TAGLN3: variants seen among roughly 807,000 people sequenced by gnomAD.
TAGLN3 encodes transgelin 3, also known as transgelin-3.
In TAGLN3, 12 loss-of-function variants were observed where a neutral mutation model predicts 25.4. The ratio of observed to expected loss-of-function variants is 0.47; its 90% CI spans 0.30 to 0.77. The LOEUF (loss-of-function observed/expected upper bound fraction) is 0.77. Among genes scored for constraint, TAGLN3 ranks in the 30% least tolerant of loss-of-function variants. The pLI is 0.06. For synonymous variants in TAGLN3, 96 were observed against 94.8 expected (o/e 1.01, Z -0.08); for missense variants, 218 against 255.8 (o/e 0.85, Z 1.01).
intron 2 of TAGLN3, 111 bp downstream of exon 2, chr3:111,999,713 C>G: frequency 7.2e-7 from 1 of 1,385,576 alleles, no homozygotes; most frequent in Non-Finnish European, 9.7e-7. Flanking sequence ...AGCTCTATGT[C>G]TCACCGGGAG....
chr3:112,000,613 C>G (rs1355006791), intron 2 of TAGLN3, 159 bp from the exon 3 acceptor site: 2 of 696,586 alleles, frequency 2.9e-6, no homozygotes, highest in Non-Finnish European at 4.9e-6. Context: ...AGTATAGGAG[C>G]CTGGCTACAC....
At chr3:112,006,649 T>C (rs745723585) in intron 3 of TAGLN3, among the ~76,000 whole-genome samples, 1 of 152,238 alleles carries the variant, frequency 6.6e-6, no homozygotes, top group Non-Finnish European at 1.5e-5. Flanking sequence ...GCAAGACTGA[T>C]TTTTTGTATT....
chr3:112,000,858 G>C lies in TAGLN3; in HGVS notation c.267G>C (p.Gln89His). 6.2e-7 allele frequency: 1 copy of C among 1,614,188 alleles called. No homozygotes were observed. ...CAGAGTCAAAGATGGCTTTTAAGCAGATGGAGCAAATCTCCCAGTTCCTAA... is the reference window on the plus strand; with the variant it reads ...CAGAGTCAAAGATGGCTTTTAAGCACATGGAGCAAATCTCCCAGTTCCTAA... ...KISESKMAFK[Q>H]MEQISQFLKA... The change falls in exon 3 of 5, where the codon CAG becomes CAC. Residue 89 changes from glutamine to histidine, a missense_variant. Transcript: ENST00000478951.
intron 1 of TAGLN3, 110 bp from the exon 2 acceptor site, chr3:111,999,311 C>T (rs2072825254): frequency 7.8e-7 from 1 of 1,277,446 alleles, no homozygotes; most frequent in East Asian, 2.5e-5. Flanking sequence ...GCCCTCTTTG[C>T]TGCTGCTGGG....
chr3:112,005,693 CTTTTTTTTCTTT>C (rs1193280190), intron 3 of TAGLN3, among the ~76,000 whole-genome samples: 5 of 79,938 alleles, frequency 6.3e-5, no homozygotes, highest in African/African-American at 2.3e-4. Context: ...GCCTAATTTT[CTTTTTTTTCTTT>C]TTTTTTTTTT....
intron 3 of TAGLN3, among the ~76,000 whole-genome samples, chr3:112,006,524 C>T (rs1253247370): frequency 6.6e-6 from 1 of 152,216 alleles, no homozygotes; most frequent in Non-Finnish European, 1.5e-5. Flanking sequence ...CTACTGCTTA[C>T]TTTCTCTGTA....
chr3:112,011,886 C>G (rs776913930), intron 4 of TAGLN3, 21 bp downstream of exon 4: 1 of 1,608,254 alleles, frequency 6.2e-7, no homozygotes, highest in South Asian at 1.1e-5. Context: ...CTTCCTTGCC[C>G]CCTGGACCAC....
intron 3 of TAGLN3, among the ~76,000 whole-genome samples, chr3:112,005,773 C>T (rs1180421334): frequency 6.7e-6 from 1 of 148,388 alleles, no homozygotes; most frequent in East Asian, 2.0e-4. Context: ...GATCTCGGCT[C>T]ACTGCAAGCT....
chr3:112,013,384 T>C (rs1042309677), intron 4 of TAGLN3, 26 bp from the exon 5 acceptor site: 1 of 1,602,376 alleles, frequency 6.2e-7, no homozygotes, highest in African/African-American at 1.3e-5. Flanking sequence ...ATAATGACAT[T>C]ATTCCCTCTC....
intron 3 of TAGLN3, among the ~76,000 whole-genome samples, chr3:112,002,388 T>C (rs1026887899): frequency 1.3e-5 from 2 of 152,226 alleles, no homozygotes; most frequent in Non-Finnish European, 2.9e-5. Flanking sequence ...GTCCATGAGA[T>C]AGCAGAGCCA....
At position 111,999,419 on chromosome 3, in the gene TAGLN3, A is replaced by G. The variant is rs2072828475; in HGVS notation, c.-2-2A>G. The G allele has an allele frequency of 6.2e-7, 1 of 1,613,582 alleles. No homozygotes were observed. The highest frequency in any genetic ancestry group is 8.5e-7 in the Non-Finnish European group (1 of 1,179,596). Reference sequence around the variant, plus strand: ...GCCGCGCGTGTCTTCTCTTCTTTCCAGAGATGGCTAACAGGGGCCCGAGCT... The same window carrying G: ...GCCGCGCGTGTCTTCTCTTCTTTCCGGAGATGGCTAACAGGGGCCCGAGCT... On this transcript the variant is annotated splice_acceptor_variant, in intron 1 of 4. Coordinates refer to ENST00000478951, the MANE Select transcript of TAGLN3 (RefSeq NM_001008272.2). LOFTEE classifies it low-confidence loss of function (5UTR_SPLICE).
intron 3 of TAGLN3, among the ~76,000 whole-genome samples, chr3:112,003,946 C>T (rs2072889835): frequency 6.6e-6 from 1 of 152,176 alleles, no homozygotes; most frequent in South Asian, 2.1e-4. Context: ...GCTGAGGCCC[C>T]AGATGTACCA....
Position 112,000,891 on chromosome 3 carries a change from G to A in TAGLN3, c.300G>A (p.Ala100=), listed in dbSNP as rs529078455. Residue 100 remains alanine, a synonymous_variant, in exon 3 of 5, where the codon GCG becomes GCA. Transcript: ENST00000478951. The part of the protein sequence containing the change: ...MEQISQFLKA[A]ETYGVRTTDI... ...AAATCTCCCAGTTCCTAAAAGCTGC[G>A]GAGACCTATGGTGTCAGAACCACCG... The A allele has an allele frequency of 4.0e-5, 64 of 1,614,140 alleles. 1 individual carries two copies. In the African/African-American group the frequency reaches 5.7e-4, roughly 14 times the overall value.
intron 3 of TAGLN3, among the ~76,000 whole-genome samples, chr3:112,005,844 G>A (rs1576078856): frequency 1.3e-5 from 2 of 151,452 alleles, no homozygotes; most frequent in East Asian, 1.9e-4. Context: ...GGACTTACAG[G>A]TACCTGCCAC....
chr3:112,001,998 T>A (rs2072865889), intron 3 of TAGLN3, among the ~76,000 whole-genome samples: 1 of 152,236 alleles, frequency 6.6e-6, no homozygotes, highest in African/African-American at 2.4e-5. Flanking sequence ...GCATTGCATG[T>A]TTCCCTCATA....
At chr3:112,012,362 C>T (rs1052010245) in intron 4 of TAGLN3, among the ~76,000 whole-genome samples, 3 of 150,518 alleles carry the variant, frequency 2.0e-5, no homozygotes, top group African/African-American at 7.3e-5. Context: ...TTGTTTGGAA[C>T]AGTCATGGTT....
intron 1 of TAGLN3, 142 bp downstream of exon 1, chr3:111,999,256 C>G: frequency 1.4e-6 from 1 of 693,646 alleles, no homozygotes; most frequent in South Asian, 2.1e-5. Flanking sequence ...GGTGAAACCC[C>G]ATTGGCTTCA....
In TAGLN3 at chr3:111,999,546, A is replaced by T; in HGVS notation, c.124A>T (p.Ile42Leu). The T allele has an allele frequency of 6.2e-7, 1 of 1,614,208 alleles. No individual in the cohort carries two copies. Among genetic ancestry groups the T allele is most frequent in the Non-Finnish European group, 8.5e-7 (1 of 1,180,022 alleles). The change falls in exon 2 of 5, where the codon ATA (isoleucine) becomes TTA (leucine). Residue 42 changes from isoleucine (I) to leucine (L), a missense_variant. By Grantham distance (5) the Ile-to-Leu change is conservative. Transcript: ENST00000478951. ...GATCATCCTGCAGTGCGCCGAGGAC[A>T]TAGAGCACCCGCCCCCCGGCAGGGC... ...DWIILQCAEDIEHPPPGRAHF... is the reference protein window; with the variant it reads ...DWIILQCAEDLEHPPPGRAHF...
At chr3:112,000,562 G>A in intron 2 of TAGLN3, 1 of 501,474 alleles carries the variant, frequency 2.0e-6, no homozygotes, top group African/African-American at 1.9e-5. Flanking sequence ...CTGTAGTAAG[G>A]AGCAGCATTA....
Sources: allele counts gnomAD v4.1 joint callset (sites outside exome capture counted in the v4.1 genomes callset), GRCh38; gene constraint gnomAD v4.1.1; transcripts MANE v1.5; gene names NCBI Gene and HGNC (gene_info 2026-07-23, HGNC 2026-07-21).